Variants in FHDC1 observed in about 807,000 individuals in gnomAD.
FHDC1 encodes the protein FH2 domain-containing protein 1.
FHDC1 carries 25 observed loss-of-function variants against 52.6 expected under a neutral mutation model. The ratio of observed to expected loss-of-function variants is 0.48; its 90% CI spans 0.35 to 0.66. FHDC1 has a LOEUF of 0.66. Ranked by LOEUF, FHDC1 falls within the 30% of genes least tolerant of loss-of-function variation. FHDC1 has a pLI of 0.01. For synonymous variants in FHDC1, 616 were observed against 581.5 expected (o/e 1.06, Z -0.85); for missense variants, 1,459 against 1,452.8 (o/e 1.00, Z -0.07).
At chr4:152,954,173 C>T (rs1042910279) in intron 3 of FHDC1, 44 bp from the exon 4 acceptor site, 2 of 1,541,808 alleles carry the variant, frequency 1.3e-6, no homozygotes, top group Non-Finnish European at 1.8e-6. Context: ...TCTGTTGGCA[C>T]TCCAGCAAAC....
rs763091313 is a variant in FHDC1 at position 152,976,069 on chromosome 4, G to T, written c.2778G>T (p.Gly926=). ...GWRRPELSSR[G]PSQNPPSSTD... ...GGCGACCAGAGCTGTCATCCCGGGG[G>T]CCCTCCCAGAATCCCCCCAGCAGCA... Residue 926 remains glycine, a synonymous_variant, in exon 12 of 12, where the codon GGG becomes GGT. Coordinates refer to ENST00000511601, the MANE Select transcript of FHDC1 (RefSeq NM_001371116.1). 22 of 1,601,032 alleles carry T rather than the reference G, an allele frequency of 1.4e-5. No individual in the cohort carries two copies. The South Asian group carries it at 2.3e-4, about 17-fold the overall frequency.
intron 8 of FHDC1, among the ~76,000 whole-genome samples, chr4:152,963,377 T>G (rs1427419142): frequency 6.6e-6 from 1 of 152,178 alleles, no homozygotes; most frequent in Non-Finnish European, 1.5e-5. Flanking sequence ...AGGATTTAAG[T>G]GTCAAAGGTG....
the FHDC1 span, among the ~76,000 whole-genome samples, chr4:152,930,643 C>T: frequency 7.2e-5 from 11 of 152,252 alleles, no homozygotes; most frequent in South Asian, 1.5e-3. Flanking sequence ...ATAGTATTTC[C>T]GACAAAAAGC....
chr4:152,954,688 A>G (rs1740030358), intron 4 of FHDC1, among the ~76,000 whole-genome samples: 1 of 150,062 alleles, frequency 6.7e-6, no homozygotes, highest in South Asian at 2.1e-4. Context: ...ATCTGTCTCT[A>G]AAAAAAAAAG....
chr4:152,916,604 A>C, the FHDC1 span, among the ~76,000 whole-genome samples: 5 of 152,042 alleles, frequency 3.3e-5, no homozygotes, highest in African/African-American at 9.7e-5. Context: ...TTTGGTCCAG[A>C]AAGGCAGCAG....
intron 4 of FHDC1, among the ~76,000 whole-genome samples, chr4:152,959,170 C>T (rs527299594): frequency 2.4e-4 from 37 of 152,306 alleles, no homozygotes; most frequent in Admixed American, 4.6e-4. Flanking sequence ...CAACAGTTAG[C>T]TGCAAAGATA....
intron 4 of FHDC1, among the ~76,000 whole-genome samples, chr4:152,960,199 G>A (rs572360593): frequency 6.6e-6 from 1 of 151,940 alleles, no homozygotes; most frequent in Admixed American, 6.6e-5. Flanking sequence ...TTCTCCCAAT[G>A]ATCTCATTTC....
In FHDC1 at chr4:152,978,222, G is replaced by T. The variant is rs1465640081; in HGVS notation, c.*1499G>T. 1 of 152,224 alleles carries T rather than the reference G, an allele frequency of 6.6e-6. No homozygotes were observed. Among genetic ancestry groups the T allele is most frequent in the Non-Finnish European group, 1.5e-5 (1 of 68,064 alleles). The allele number at this position is 152,224 out of a possible 1,614,324, so 9.4% of individuals were successfully genotyped here. On this transcript the variant is annotated 3_prime_UTR_variant, in exon 12 of 12. Coordinates refer to ENST00000511601, the MANE Select transcript of FHDC1 (RefSeq NM_001371116.1). ...GTGTCTGTTATAAAACTGAGTGAAG[G>T]CTGCTATGACCTGTGTTCACTCTGG...
At position 152,974,918 on chromosome 4, in the gene FHDC1, C is replaced by A. The variant is rs763151669; in HGVS notation, c.1627C>A (p.Leu543Met). The change falls in exon 12 of 12, where the codon CTG (leucine) becomes ATG (methionine). Residue 543 changes from leucine to methionine, a missense_variant. Coordinates refer to ENST00000511601, the MANE Select transcript of FHDC1 (RefSeq NM_001371116.1). ...PPNTRRSRLSLGPSADRELLT... is the reference protein window; with the variant it reads ...PPNTRRSRLSMGPSADRELLT... ...GAACACCCGCCGCTCCCGCCTCTCCCTGGGTCCCTCTGCTGACCGGGAGCT... is the reference window on the plus strand; with the variant it reads ...GAACACCCGCCGCTCCCGCCTCTCCATGGGTCCCTCTGCTGACCGGGAGCT... 7 of 1,612,058 alleles carry A rather than the reference C, an allele frequency of 4.3e-6. No individual in the cohort carries two copies. In the African/African-American group the frequency reaches 6.7e-5, roughly 15 times the overall value.
In FHDC1 at chr4:152,975,632, C is replaced by T; in HGVS notation, c.2341C>T (p.Leu781=). 4 of 1,613,682 alleles carry T rather than the reference C, an allele frequency of 2.5e-6. No homozygotes were observed. The highest frequency in any genetic ancestry group is 3.4e-6 in the Non-Finnish European group (4 of 1,180,030). ...FCISDTTDCS[L]TLDCSEGTDS... ...CATCTCGGACACCACCGACTGCTCA[C>T]TGACCCTGGACTGCTCAGAGGGAAC... Residue 781 remains leucine, a synonymous_variant, in exon 12 of 12, where the codon CTG becomes TTG. Coordinates refer to ENST00000511601, the MANE Select transcript of FHDC1 (RefSeq NM_001371116.1).
At chr4:152,962,693 T>A (rs943677917) in intron 6 of FHDC1, 121 bp from the exon 7 acceptor site, 6 of 729,732 alleles carry the variant, frequency 8.2e-6, no homozygotes, top group African/African-American at 1.8e-5. Flanking sequence ...TTTTCCGTTT[T>A]ATATACAGTT....
At chr4:152,946,268 A>G (rs774495919) in intron 2 of FHDC1, among the ~76,000 whole-genome samples, 1 of 152,220 alleles carries the variant, frequency 6.6e-6, no homozygotes, top group Non-Finnish European at 1.5e-5. Flanking sequence ...TTAAATCACC[A>G]TGACTGTGTA....
intron 9 of FHDC1, among the ~76,000 whole-genome samples, chr4:152,965,893 C>T (rs149757869): frequency 1.1e-3 from 160 of 152,350 alleles, no homozygotes; most frequent in African/African-American, 3.8e-3. Context: ...TGAACCATAG[C>T]TCACAGCCCT....
Position 152,976,831 on chromosome 4 carries a change from C to G in FHDC1, c.*108C>G. 7.4e-7 allele frequency: 1 copy of G among 1,353,566 alleles called. No individual in the cohort carries two copies. The highest frequency in any genetic ancestry group is 9.8e-7 in the Non-Finnish European group (1 of 1,023,228). The allele number at this position is 1,353,566 out of a possible 1,614,324, so 83.8% of individuals were successfully genotyped here. On this transcript the variant is annotated 3_prime_UTR_variant, in exon 12 of 12. Transcript: ENST00000511601. The stretch of plus-strand genomic sequence containing the variant: ...GTCTTTGTTACAGATAAAGCAGCCA[C>G]TGGTGCCACTGCTAGTGACGCTGTT...
intron 1 of FHDC1, 122 bp from the exon 2 acceptor site, chr4:152,942,806 G>A (rs760853310): frequency 7.2e-4 from 321 of 444,128 alleles, no homozygotes; most frequent in Non-Finnish European, 1.1e-3. Flanking sequence ...CTTGGGATGT[G>A]TTGCCCCTCA....
intron 2 of FHDC1, among the ~76,000 whole-genome samples, chr4:152,947,365 T>C (rs1207414573): frequency 6.6e-6 from 1 of 152,062 alleles, no homozygotes; most frequent in Non-Finnish European, 1.5e-5. Context: ...CAATTAGAAA[T>C]AAAGACATAT....
intron 9 of FHDC1, 81 bp downstream of exon 9, chr4:152,965,056 G>A: frequency 7.5e-7 from 1 of 1,329,672 alleles, no homozygotes. Flanking sequence ...TTAGATTCCA[G>A]TTTGAAGTCT....
At chr4:152,927,320 G>C in the FHDC1 span, 1 of 665,306 alleles carries the variant, frequency 1.5e-6, no homozygotes, top group Non-Finnish European at 2.7e-6. Flanking sequence ...TCAAAGGTCA[G>C]GGGAACCTCC....
chr4:152,954,652 A>C (rs889867190), intron 4 of FHDC1, among the ~76,000 whole-genome samples: 6 of 152,014 alleles, frequency 3.9e-5, no homozygotes, highest in Non-Finnish European at 5.9e-5. Context: ...ATGTCACTGC[A>C]CTTCAGCCTG....
Sources: allele counts gnomAD v4.1 joint callset (sites outside exome capture counted in the v4.1 genomes callset), GRCh38; gene constraint gnomAD v4.1.1; transcripts MANE v1.5; gene names NCBI Gene and HGNC (gene_info 2026-07-23, HGNC 2026-07-21).